The following FOXN3 variants were observed in gnomAD, a reference collection of about 807,000 sequenced individuals.
FOXN3 encodes the protein forkhead box protein N3.
A neutral mutation model predicts 38.4 loss-of-function variants in FOXN3; 7 were observed. The observed-to-expected ratio is 0.18, with a 90% CI of 0.10 to 0.34. FOXN3 has a LOEUF of 0.34. Ranked by LOEUF, FOXN3 falls within the 10% of genes least tolerant of loss-of-function variation. The pLI, the probability that FOXN3 is intolerant of heterozygous loss-of-function variation, is 1.00. For missense variants in FOXN3, 456 were observed against 613.4 expected (o/e 0.74, Z 2.71); for synonymous variants, 230 against 242.2 (o/e 0.95, Z 0.47).
At chr14:89,360,735 TCCAGCACCA>T (rs1889472841) in intron 2 of FOXN3, among the ~76,000 whole-genome samples, 2 of 104,900 alleles carry the variant, frequency 1.9e-5, no homozygotes, top group African/African-American at 4.0e-5. Flanking sequence ...CACCACCACC[TCCAGCACCA>T]CCTCCACCAC....
chr14:89,380,696 G>C (rs568728415), intron 2 of FOXN3, among the ~76,000 whole-genome samples: 1 of 152,342 alleles, frequency 6.6e-6, no homozygotes, highest in Admixed American at 6.5e-5. Context: ...GTCCTATAAA[G>C]AGCGGAGGCA....
At chr14:89,283,049 T>C (rs892029990) in intron 3 of FOXN3, among the ~76,000 whole-genome samples, 4 of 152,158 alleles carry the variant, frequency 2.6e-5, no homozygotes, top group African/African-American at 4.8e-5. Flanking sequence ...TCCTGGCCCC[T>C]GTTGTAATTG....
intron 4 of FOXN3, among the ~76,000 whole-genome samples, chr14:89,189,179 A>C (rs1350261223): frequency 6.6e-6 from 1 of 152,190 alleles, no homozygotes; most frequent in Non-Finnish European, 1.5e-5. Context: ...TAAAGTTGTC[A>C]GGAAGGCTGG....
chr14:89,532,671 A>C (rs769074288), intron 1 of FOXN3, among the ~76,000 whole-genome samples: 1 of 152,248 alleles, frequency 6.6e-6, no homozygotes, highest in Non-Finnish European at 1.5e-5. Context: ...GATCCTATTT[A>C]GAATGATATT....
chr14:89,410,887 A>T (rs1297590508), intron 2 of FOXN3, among the ~76,000 whole-genome samples: 1 of 147,592 alleles, frequency 6.8e-6, no homozygotes. Context: ...AAAAAAGAGG[A>T]AAAAAAAGAA....
intron 3 of FOXN3, among the ~76,000 whole-genome samples, chr14:89,282,719 G>A (rs2139920543): frequency 6.6e-6 from 1 of 152,252 alleles, no homozygotes; most frequent in East Asian, 1.9e-4. Flanking sequence ...CAATAATTGA[G>A]TATTACTGCA....
At chr14:89,497,923 G>GT (rs57461862) in intron 1 of FOXN3, among the ~76,000 whole-genome samples, 63,650 of 150,802 alleles carry the variant, frequency 0.42, 14,472 homozygotes, top group African/African-American at 0.61. Context: ...TGTTTGTTTG[G>GT]TTTTTTTTTG....
At chr14:89,188,066 C>T (rs1414667397) in intron 4 of FOXN3, among the ~76,000 whole-genome samples, 2 of 152,100 alleles carry the variant, frequency 1.3e-5, no homozygotes, top group Non-Finnish European at 2.9e-5. Flanking sequence ...CTTGGAGCCC[C>T]GTTCTTGGCC....
At chr14:89,498,831 G>A (rs1371418345) in intron 1 of FOXN3, among the ~76,000 whole-genome samples, 2 of 151,654 alleles carry the variant, frequency 1.3e-5, no homozygotes, top group East Asian at 1.9e-4. Flanking sequence ...CACAGAGGGT[G>A]GGGGGAACTG....
chr14:89,328,858 C>T (rs573341660), intron 3 of FOXN3, among the ~76,000 whole-genome samples: 31 of 152,290 alleles, frequency 2.0e-4, no homozygotes, highest in East Asian at 1.9e-3. Context: ...AGGTACCATC[C>T]TCCATTTAGA....
intron 3 of FOXN3, among the ~76,000 whole-genome samples, chr14:89,348,078 G>C (rs1888821312): frequency 6.6e-6 from 1 of 152,014 alleles, no homozygotes; most frequent in South Asian, 2.1e-4. Flanking sequence ...AGCATTTCCA[G>C]CCACCTGCAG....
chr14:89,584,407 T>C (rs1267880787), intron 1 of FOXN3, among the ~76,000 whole-genome samples: 4 of 151,886 alleles, frequency 2.6e-5, no homozygotes, highest in Admixed American at 2.0e-4. Context: ...TCTTGATAAA[T>C]AAATAATAAA....
upstream of FOXN3, among the ~76,000 whole-genome samples, chr14:89,421,304 C>G (rs61094864): frequency 1.1e-4 from 17 of 151,820 alleles, no homozygotes. Context: ...CATGCACCAC[C>G]ACACCTGGCT....
intron 3 of FOXN3, among the ~76,000 whole-genome samples, chr14:89,301,163 G>T (rs1396987355): frequency 1.3e-5 from 2 of 152,016 alleles, no homozygotes; most frequent in Non-Finnish European, 2.9e-5. Context: ...TTTATGGTTG[G>T]CTTCAAAGTG....
Position 89,610,068 on chromosome 14 carries a change from C to A in FOXN3, c.-15+8960G>T, listed in dbSNP as rs180908329. On this transcript the variant is annotated intron_variant, in intron 1 of 6. Transcript: ENST00000345097. ...TTTTCAGGCTGAAAAACCACTCTGC[C>A]AGGATCTTCATGTTGAAGCTTAAAG... Among the ~76,000 whole-genome samples, 179 of 152,192 alleles carry A rather than the reference C, an allele frequency of 1.2e-3. 1 individual carries two copies. The highest frequency in any genetic ancestry group is 1.5e-3 in the Non-Finnish European group (104 of 68,014).
intron 3 of FOXN3, among the ~76,000 whole-genome samples, chr14:89,334,529 G>C (rs546294432): frequency 6.6e-6 from 1 of 151,630 alleles, no homozygotes; most frequent in Non-Finnish European, 1.5e-5. Flanking sequence ...AGAATGGCTT[G>C]AACCTGGGAG....
chr14:89,233,787 A>C (rs1884892097), intron 4 of FOXN3, among the ~76,000 whole-genome samples: 1 of 152,234 alleles, frequency 6.6e-6, no homozygotes, highest in African/African-American at 2.4e-5. Context: ...GTAGGTCCCA[A>C]GATACTCCCT....
At chr14:89,426,215 ATTTTTTT>A (rs33964198) in intron 1 of FOXN3, among the ~76,000 whole-genome samples, 6 of 77,560 alleles carry the variant, frequency 7.7e-5, no homozygotes, top group Admixed American at 3.8e-4. Flanking sequence ...AGGAGTACTG[ATTTTTTT>A]TTTTTTTTTT....
At chr14:89,238,314 G>C (rs1279839693) in intron 4 of FOXN3, among the ~76,000 whole-genome samples, 1 of 152,160 alleles carries the variant, frequency 6.6e-6, no homozygotes, top group Non-Finnish European at 1.5e-5. Context: ...TCTGTTTCTT[G>C]ACTGGATCAA....
Sources: gnomAD v4.1 joint callset for allele counts (sites outside exome capture counted in the v4.1 genomes callset) on GRCh38, gnomAD v4.1.1 for gene constraint, MANE v1.5 for transcripts, NCBI Gene and HGNC (gene_info 2026-07-23, HGNC 2026-07-21) for gene names.